The following ASTN2 variants were observed in gnomAD, a reference collection of about 807,000 sequenced individuals.
ASTN2 encodes astrotactin 2.
ASTN2 carries 54 observed loss-of-function variants against 139.8 expected under a neutral mutation model. The ratio of observed to expected loss-of-function variants is 0.39; its 90% CI spans 0.31 to 0.48. The LOEUF is 0.48. Ranked by LOEUF, ASTN2 falls within the 20% of genes least tolerant of loss-of-function variation. ASTN2 has a pLI of 0.95. For missense variants in ASTN2, 1,565 were observed against 1,725.1 expected (o/e 0.91, Z 1.64); for synonymous variants, 756 against 719.5 (o/e 1.05, Z -0.81).
chr9:116,444,532 C>T (rs1450005276), intron 20 of ASTN2, among the ~76,000 whole-genome samples: 1 of 152,124 alleles, frequency 6.6e-6, no homozygotes, highest in African/African-American at 2.4e-5. Flanking sequence ...TTTTATTGCT[C>T]CCACTCGCAG....
At chr9:117,239,613 GC>G (rs1402672650) in intron 2 of ASTN2, among the ~76,000 whole-genome samples, 1 of 152,118 alleles carries the variant, frequency 6.6e-6, no homozygotes, top group Non-Finnish European at 1.5e-5. Context: ...CCATTCATTA[GC>G]CCAAGCAATG....
At chr9:116,787,505 T>C (rs1355580846) in intron 13 of ASTN2, among the ~76,000 whole-genome samples, 12 of 152,206 alleles carry the variant, frequency 7.9e-5, no homozygotes, top group African/African-American at 2.9e-4. Flanking sequence ...TGGACACCAA[T>C]TAGCAAACAC....
rs923451040 is a variant in ASTN2 at position 116,536,331 on chromosome 9, C to T, written c.3356-48831G>A. Among the ~76,000 whole-genome samples the T allele has an allele frequency of 6.1e-4, 92 of 149,672 alleles. 1 individual carries two copies. The highest frequency in any genetic ancestry group is 1.8e-3 in the African/African-American group (72 of 40,674). On this transcript the variant is annotated intron_variant, in intron 19 of 22. Coordinates refer to ENST00000313400, the MANE Select transcript of ASTN2 (RefSeq NM_001365068.1). The stretch of plus-strand genomic sequence containing the variant: ...CTCCTTTAGCTCGGAGAAGTTTGGT[C>T]TTCTGAAGCCTTCTTCTCTCAACTC...
rs1588234024 is a variant in ASTN2, at chr9:116,714,883, T to A, written c.2806+10888A>T. 5.4e-5 allele frequency among the ~76,000 whole-genome samples: 2 copies of A among 37,144 alleles called. 1 individual carries two copies. The highest frequency in any genetic ancestry group is 1.6e-3 in the East Asian group (2 of 1,266). The allele number at this position is 37,144 out of a possible 152,430, so 24.4% of individuals were successfully genotyped here. A position where few individuals can be genotyped will look rare whatever the true frequency, so the allele number is the denominator to read the frequency against. ...TCACGAGGTCAAGAGATCGAGACCATCCCGGCTAAAACGGTGAAACCCCGT... is the reference window on the plus strand; with the variant it reads ...TCACGAGGTCAAGAGATCGAGACCAACCCGGCTAAAACGGTGAAACCCCGT... On this transcript the variant is annotated intron_variant, in intron 16 of 22. Coordinates refer to ENST00000313400, the MANE Select transcript of ASTN2 (RefSeq NM_001365068.1).
At chr9:117,302,098 A>AGGGGGGGGGGGGGGGGG (rs371598538) in intron 1 of ASTN2, among the ~76,000 whole-genome samples, 3 of 31,274 alleles carry the variant, frequency 9.6e-5, no homozygotes, top group African/African-American at 2.2e-4. Flanking sequence ...TGGGGGTGGG[A>AGGGGGGGGGGGGGGGGG]GGGGGGGTGA....
chr9:116,925,300 T>C (rs1834722971), intron 10 of ASTN2, among the ~76,000 whole-genome samples: 2 of 152,190 alleles, frequency 1.3e-5, no homozygotes, highest in South Asian at 2.1e-4. Context: ...GTGTTTTACA[T>C]TGAATGATAC....
intron 1 of ASTN2, among the ~76,000 whole-genome samples, chr9:117,314,436 CA>C (rs527979475): frequency 1.3e-5 from 2 of 151,920 alleles, no homozygotes; most frequent in East Asian, 3.9e-4. Flanking sequence ...CCCACCCCCC[CA>C]ATTTAAAATA....
intron 11 of ASTN2, among the ~76,000 whole-genome samples, chr9:116,836,566 G>C (rs1253961631): frequency 6.9e-6 from 1 of 145,340 alleles, no homozygotes; most frequent in Non-Finnish European, 1.5e-5. Context: ...TGGCTAGGGA[G>C]AGCAGTTTTG....
chr9:116,728,902 T>C, intron 15 of ASTN2, 90 bp downstream of exon 15: 1 of 1,027,530 alleles, frequency 9.7e-7, no homozygotes, highest in Non-Finnish European at 1.5e-6. Flanking sequence ...GCATCCCCAG[T>C]GCTCTCATAT....
At position 117,060,344 on chromosome 9, in the gene ASTN2, GAGAAAGAA is replaced by G. The variant is rs575931514; in HGVS notation, c.1277-20387_1277-20380del. On this transcript the variant is annotated intron_variant, in intron 5 of 22. Coordinates refer to ENST00000313400, the MANE Select transcript of ASTN2 (RefSeq NM_001365068.1). ...AAAGAAAGAAAGAAAGAAAGAAAGA[GAGAAAGAA>G]AGAAAGAAAGAAAGAAAGAAAGAAA... Among the ~76,000 whole-genome samples, 222 of 58,826 alleles carry G rather than the reference GAGAAAGAA, an allele frequency of 3.8e-3. 3 individuals are homozygous for G. Among genetic ancestry groups the G allele is most frequent in the African/African-American group, 9.4e-3 (117 of 12,490 alleles). 38.6% of individuals were successfully genotyped at this position (58,826 alleles called of 152,430 possible). A position where few individuals can be genotyped will look rare whatever the true frequency, so the allele number is the denominator to read the frequency against.
At chr9:116,756,588 G>A (rs1829537780) in intron 13 of ASTN2, among the ~76,000 whole-genome samples, 1 of 151,908 alleles carries the variant, frequency 6.6e-6, no homozygotes, top group Non-Finnish European at 1.5e-5. Flanking sequence ...GCTTAGCTCT[G>A]GCACCTATTC....
chr9:117,259,953 T>G (rs1160191665), intron 2 of ASTN2, among the ~76,000 whole-genome samples: 1 of 152,202 alleles, frequency 6.6e-6, no homozygotes, highest in Non-Finnish European at 1.5e-5. Flanking sequence ...AGGTACAGAG[T>G]AAATGCTCAA....
At chr9:117,338,442 C>G (rs982782158) in intron 1 of ASTN2, among the ~76,000 whole-genome samples, 21 of 152,182 alleles carry the variant, frequency 1.4e-4, no homozygotes, top group Non-Finnish European at 2.8e-4. Context: ...CCATTCAGCC[C>G]TCCTCCCATC....
At chr9:116,457,267 G>A (rs552396866) in intron 20 of ASTN2, among the ~76,000 whole-genome samples, 1 of 152,138 alleles carries the variant, frequency 6.6e-6, no homozygotes, top group South Asian at 2.1e-4. Context: ...AAACACTGGG[G>A]AAACTCTCCA....
chr9:116,595,866 T>C (rs1328895130), intron 19 of ASTN2, among the ~76,000 whole-genome samples: 2 of 152,184 alleles, frequency 1.3e-5, no homozygotes, highest in Non-Finnish European at 2.9e-5. Context: ...AAAAACAGTA[T>C]GCAGGTTCCT....
At chr9:116,747,630 A>ATAGTCAC (rs1829280200) in intron 13 of ASTN2, among the ~76,000 whole-genome samples, 1 of 152,022 alleles carries the variant, frequency 6.6e-6, no homozygotes, top group Non-Finnish European at 1.5e-5. Context: ...CTCTCCAACC[A>ATAGTCAC]TAGTCACACT....
chr9:117,337,838 A>G (rs1045615399), intron 1 of ASTN2, among the ~76,000 whole-genome samples: 5 of 152,130 alleles, frequency 3.3e-5, no homozygotes, highest in African/African-American at 1.2e-4. Flanking sequence ...TATCCAAGGC[A>G]TGGGGGTGGG....
At chr9:117,059,849 T>C (rs912184857) in intron 5 of ASTN2, among the ~76,000 whole-genome samples, 2 of 152,154 alleles carry the variant, frequency 1.3e-5, no homozygotes, top group African/African-American at 4.8e-5. Context: ...AAACTGGGCA[T>C]TGGAGATACA....
At chr9:116,750,552 C>CTG (rs1829369352) in intron 13 of ASTN2, among the ~76,000 whole-genome samples, 1 of 151,862 alleles carries the variant, frequency 6.6e-6, no homozygotes, top group South Asian at 2.1e-4. Flanking sequence ...CACTCTCTCT[C>CTG]TCTCTCTTTC....
Sources: gnomAD v4.1 joint callset for allele counts (sites outside exome capture counted in the v4.1 genomes callset) on GRCh38, gnomAD v4.1.1 for gene constraint, MANE v1.5 for transcripts, NCBI Gene and HGNC (gene_info 2026-07-23, HGNC 2026-07-21) for gene names.